Variants in KDM4C observed in about 807,000 individuals in gnomAD.
KDM4C encodes lysine demethylase 4C.
Under a neutral mutation model 129.3 loss-of-function variants are expected in KDM4C, and 81 were observed. That is an observed-to-expected ratio of 0.63 (90% CI 0.52 to 0.75). The LOEUF is 0.75. Among genes scored for constraint, KDM4C ranks in the 30% least tolerant of loss-of-function variants. The pLI, the probability that KDM4C is intolerant of heterozygous loss-of-function variation, is 0.00. For synonymous variants in KDM4C, 573 were observed against 456.1 expected (o/e 1.26, Z -3.26); for missense variants, 1,457 against 1,304.0 (o/e 1.12, Z -1.81).
At chr9:7,111,677 T>TA (rs1838332938) in intron 18 of KDM4C, among the ~76,000 whole-genome samples, 1 of 152,180 alleles carries the variant, frequency 6.6e-6, no homozygotes, top group South Asian at 2.1e-4. Flanking sequence ...AGTTCAGTGT[T>TA]ACTGGCTCTA....
intron 1 of KDM4C, among the ~76,000 whole-genome samples, chr9:6,751,745 C>A (rs1373048201): frequency 6.6e-6 from 1 of 152,046 alleles, no homozygotes; most frequent in Non-Finnish European, 1.5e-5. Context: ...CAGCTCAAGG[C>A]CCCTAGAAAA....
chr9:6,851,338 T>C (rs1363446575), intron 5 of KDM4C, among the ~76,000 whole-genome samples: 1 of 152,172 alleles, frequency 6.6e-6, no homozygotes, highest in African/African-American at 2.4e-5. Flanking sequence ...ATCTCTGTTG[T>C]GTTTGTACAG....
intron 8 of KDM4C, among the ~76,000 whole-genome samples, chr9:6,957,248 T>C (rs1201630795): frequency 1.3e-5 from 2 of 152,356 alleles, no homozygotes; most frequent in Middle Eastern, 3.4e-3. Flanking sequence ...ATGCTGCCTG[T>C]TGTCACTTTT....
chr9:7,079,337 GT>G (rs1473851072), intron 17 of KDM4C, among the ~76,000 whole-genome samples: 1 of 151,972 alleles, frequency 6.6e-6, no homozygotes, highest in East Asian at 1.9e-4. Flanking sequence ...TTGTTTGTTT[GT>G]TTTGAGATGG....
intron 4 of KDM4C, among the ~76,000 whole-genome samples, chr9:6,826,605 C>T (rs762333589): frequency 1.3e-4 from 20 of 152,172 alleles, no homozygotes; most frequent in Non-Finnish European, 2.5e-4. Flanking sequence ...GTGGCTTATG[C>T]CTGTGATCCC....
intron 17 of KDM4C, among the ~76,000 whole-genome samples, chr9:7,050,454 A>AAAAAAAAAAAAAAT: frequency 6.6e-6 from 1 of 150,784 alleles, no homozygotes; most frequent in Non-Finnish European, 1.5e-5. Flanking sequence ...AAAAAAAAAA[A>AAAAAAAAAAAAAAT]AGACACCAAA....
chr9:7,171,551 C>T (rs1240987900), intron 21 of KDM4C, among the ~76,000 whole-genome samples: 1 of 152,106 alleles, frequency 6.6e-6, no homozygotes, highest in Non-Finnish European at 1.5e-5. Context: ...GAGTAGGTAG[C>T]CTCTCAAAGT....
At chr9:6,757,550 G>T (rs1183543918), upstream of KDM4C, 2 of 860,796 alleles carry the variant, frequency 2.3e-6, no homozygotes, top group African/African-American at 1.8e-5. Context: ...TCGCCGGAGA[G>T]CTGCGAGCCC....
At chr9:6,921,892 T>C (rs1821586468) in intron 8 of KDM4C, among the ~76,000 whole-genome samples, 1 of 152,120 alleles carries the variant, frequency 6.6e-6, no homozygotes, top group Non-Finnish European at 1.5e-5. Flanking sequence ...GGTTCCATGA[T>C]CCTTTTCCCA....
chr9:6,857,946 T>TTTTTTTG (rs555121528), intron 5 of KDM4C, among the ~76,000 whole-genome samples: 14 of 140,170 alleles, frequency 1.0e-4, no homozygotes, highest in African/African-American at 2.4e-4. Context: ...TTTTTTTTTT[T>TTTTTTTG]AGAGATGGGG....
At chr9:7,025,841 A>G (rs1051143245) in intron 15 of KDM4C, among the ~76,000 whole-genome samples, 5 of 152,134 alleles carry the variant, frequency 3.3e-5, no homozygotes, top group African/African-American at 9.7e-5. Flanking sequence ...TTGTGTACTT[A>G]CTATTACCAG....
intron 19 of KDM4C, among the ~76,000 whole-genome samples, chr9:7,161,561 A>G (rs1300086077): frequency 2.6e-5 from 4 of 152,292 alleles, no homozygotes. Flanking sequence ...TGAAGCCCTC[A>G]TAGATCTCCC....
intron 6 of KDM4C, among the ~76,000 whole-genome samples, chr9:6,882,124 G>A (rs1011467412): frequency 1.7e-4 from 26 of 152,252 alleles, no homozygotes; most frequent in South Asian, 6.2e-4. Context: ...GTTTGATTTC[G>A]CCCTTCAGCT....
chr9:7,115,011 A>G (rs1171264069), intron 18 of KDM4C, among the ~76,000 whole-genome samples: 1 of 151,952 alleles, frequency 6.6e-6, no homozygotes, highest in East Asian at 1.9e-4. Context: ...CCCAGGAGGT[A>G]AAGATTGCAG....
chr9:7,071,820 A>G lies in KDM4C; in HGVS notation c.2424+22620A>G, dbSNP rs1014129129. Among the ~76,000 whole-genome samples, 6 of 152,152 alleles carry G rather than the reference A, an allele frequency of 3.9e-5. No homozygotes were observed. In the South Asian group the frequency reaches 1.2e-3, roughly 32 times the overall value. ...TCTGCTCTTTGAAAAACACTTTTTG[A>G]GTCTACGGCCATACCACCCTGAACA... On this transcript the variant is annotated intron_variant, in intron 17 of 21. Coordinates refer to ENST00000381309, the MANE Select transcript of KDM4C (RefSeq NM_015061.6).
chr9:7,024,558 C>T (rs2381535), intron 15 of KDM4C, among the ~76,000 whole-genome samples: 2 of 150,262 alleles, frequency 1.3e-5, no homozygotes, highest in Admixed American at 6.6e-5. Context: ...TGTTCAATTC[C>T]CACCTGTGAG....
At chr9:6,864,126 G>A (rs1473554474) in intron 5 of KDM4C, among the ~76,000 whole-genome samples, 1 of 152,176 alleles carries the variant, frequency 6.6e-6, no homozygotes, top group African/African-American at 2.4e-5. Context: ...ATGTTAGTGG[G>A]TTTTTTCCCC....
intron 13 of KDM4C, among the ~76,000 whole-genome samples, chr9:7,013,151 A>G (rs985552178): frequency 5.9e-5 from 9 of 152,206 alleles, no homozygotes; most frequent in South Asian, 2.1e-4. Flanking sequence ...ATTTGTGGAG[A>G]TTTAATATAA....
intron 1 of KDM4C, among the ~76,000 whole-genome samples, chr9:6,791,325 G>T (rs1826568154): frequency 6.6e-6 from 1 of 152,110 alleles, no homozygotes; most frequent in Admixed American, 6.5e-5. Context: ...GTTGCCCGGG[G>T]TGGTCTTGAA....
Sources: gnomAD v4.1 joint callset for allele counts (sites outside exome capture counted in the v4.1 genomes callset) on GRCh38, gnomAD v4.1.1 for gene constraint, MANE v1.5 for transcripts, NCBI Gene and HGNC (gene_info 2026-07-23, HGNC 2026-07-21) for gene names.